The following VPS33B variants were observed in gnomAD, a reference collection of about 807,000 sequenced individuals.
VPS33B encodes the protein vacuolar protein sorting-associated protein 33B.
VPS33B carries 80 observed loss-of-function variants against 95.3 expected under a neutral mutation model. That is an observed-to-expected ratio of 0.84 (90% CI 0.70 to 1.01). VPS33B has a LOEUF of 1.01. VPS33B is among the 50% of genes least tolerant of loss of function. The probability of loss-of-function intolerance (pLI) is 0.00; values close to 1 mark genes in which losing one functional copy is unlikely to be tolerated. For missense variants in VPS33B, 715 were observed against 773.4 expected, an observed-to-expected ratio of 0.92 and a Z score of 0.90; for synonymous variants, 280 against 280.4, an observed-to-expected ratio of 1.00 and a Z score of 0.01.
rs1221790995 is a variant in VPS33B at position 91,015,659 on chromosome 15, A to C, written c.240-1226T>G. Reference sequence around the variant, plus strand: ...GGTGACAGAGTTAGACTCCTACTCAAAAAAATAAAATAAAATAAAACTATA... The same window carrying C: ...GGTGACAGAGTTAGACTCCTACTCACAAAAATAAAATAAAATAAAACTATA... On this transcript the variant is annotated intron_variant, in intron 3 of 22. Transcript: ENST00000333371. The surrounding 1 kb of genome is among the most constrained non-coding windows in gnomAD (Gnocchi z 4.7). Among the ~76,000 whole-genome samples, 1 of 151,918 alleles carries C rather than the reference A, an allele frequency of 6.6e-6. No homozygotes were observed. The highest frequency in any genetic ancestry group is 1.5e-5 in the Non-Finnish European group (1 of 67,970).
rs752622446 is a variant in VPS33B, at chr15:91,017,858, C to T, written c.124G>A (p.Glu42Lys). 1 of 1,614,106 alleles carries T rather than the reference C, an allele frequency of 6.2e-7. No individual in the cohort carries two copies. Among genetic ancestry groups the T allele is most frequent in the Non-Finnish European group, 8.5e-7 (1 of 1,180,008 alleles). ...TCCAAAGGGCTCATGAGATCTGCCT[C>T]AATGAATAAATCCTTTTTTCCAGGA... ...QLPGKKDLFI[E>K]ADLMSPLDRI... Residue 42 changes from glutamate to lysine, a missense_variant, in exon 2 of 23, where the codon GAG (glutamate) becomes AAG (lysine). By Grantham distance (56) the Glu-to-Lys change is moderately conservative. Coordinates refer to ENST00000333371, the MANE Select transcript of VPS33B (RefSeq NM_018668.5).
rs1420378518 is a variant in VPS33B at position 91,018,186 on chromosome 15, C to T, written c.97-301G>A. On this transcript the variant is annotated intron_variant, in intron 1 of 22. Transcript: ENST00000333371. The surrounding 1 kb of genome is among the most constrained non-coding windows in gnomAD (Gnocchi z 4.7). ...TGACCTTGGTCTGCACCTCACTCCC[C>T]TTCTCTGCTGCCTCCTCCACTCTGG... is the stretch of plus-strand genomic sequence containing the variant. The T allele has an allele frequency of 2.3e-6, 1 of 440,078 alleles. No individual in the cohort carries two copies. Among genetic ancestry groups the T allele is most frequent in the Non-Finnish European group, 4.2e-6 (1 of 235,496 alleles). 27.3% of individuals were successfully genotyped at this position (440,078 alleles called of 1,614,324 possible).
At position 91,007,857 on chromosome 15, in the gene VPS33B, C is replaced by A; in HGVS notation, c.498+13G>T. 1 of 1,612,184 alleles carries A rather than the reference C, an allele frequency of 6.2e-7. No individual in the cohort carries two copies. On this transcript the variant is annotated intron_variant, in intron 7 of 22. Transcript: ENST00000333371. This position sits in a 1 kb window ranked among gnomAD's most constrained non-coding sequence, Gnocchi z 5.3. ...ATCCCCTGATGCCAAGACACAAGGG[C>A]CTCTGCATTTACCAGAAAGTAATCC...
In VPS33B at chr15:91,007,947, A is replaced by G. The variant is rs2040662809; in HGVS notation, c.421T>C (p.Trp141Arg). The G allele has an allele frequency of 1.2e-6, 2 of 1,614,234 alleles. No homozygotes were observed. The highest frequency in any genetic ancestry group is 1.7e-6 in the Non-Finnish European group (2 of 1,180,040). The change falls in exon 7 of 23, where the codon TGG becomes CGG. Residue 141 changes from tryptophan to arginine, a missense_variant. Physicochemically the swap from Trp to Arg is moderately radical, Grantham distance 101. Transcript: ENST00000333371. This position sits in a 1 kb window ranked among gnomAD's most constrained non-coding sequence, Gnocchi z 5.3. ...GIYGDVSCDEWAFSLLPLDVD... is the reference protein window; with the variant it reads ...GIYGDVSCDERAFSLLPLDVD... ...TCAAGAGGCAGCAAAGAGAAGGCCC[A>G]TTCATCACAGCTCACATCTGTGGGG...
At chr15:91,003,640 A>G (rs8031686) in intron 16 of VPS33B, among the ~76,000 whole-genome samples, 3,628 of 151,948 alleles carry the variant, frequency 0.024, 155 homozygotes, top group African/African-American at 0.083. Context: ...GGGTTTCACT[A>G]TGTTGGTCAG....
Position 90,998,883 on chromosome 15 carries a change from T to G in VPS33B, c.*92A>C. The G allele has an allele frequency of 2.9e-6, 4 of 1,391,670 alleles. No individual in the cohort carries two copies. The highest frequency in any genetic ancestry group is 4.0e-6 in the Non-Finnish European group (4 of 990,576). 86.2% of individuals were successfully genotyped at this position (1,391,670 alleles called of 1,614,324 possible). A position where few individuals can be genotyped will look rare whatever the true frequency, so the allele number is the denominator to read the frequency against. On this transcript the variant is annotated 3_prime_UTR_variant, in exon 23 of 23. Coordinates refer to ENST00000333371, the MANE Select transcript of VPS33B (RefSeq NM_018668.5). This position sits in a 1 kb window ranked among gnomAD's most constrained non-coding sequence, Gnocchi z 4.8. ...CTCCCGGCTCTTAGCAGGTAGTTGG[T>G]GGACACTTGGTTATAGCAGCTGGGT...
rs8026678 is a variant in VPS33B at position 91,018,775 on chromosome 15, A to G, written c.97-890T>C. Among the ~76,000 whole-genome samples, 84,192 of 151,978 alleles carry G rather than the reference A, an allele frequency of 0.55. 26,360 individuals are homozygous for G. Among genetic ancestry groups the G allele is most frequent in the East Asian group, 0.99 (5,129 of 5,170 alleles). On this transcript the variant is annotated intron_variant, in intron 1 of 22. Transcript: ENST00000333371. This position sits in a 1 kb window ranked among gnomAD's most constrained non-coding sequence, Gnocchi z 4.7. ...AGCCCAAAAAGTCAACAGTATAGAG[A>G]GCAGGAAATCTTTTTTTTTAAATCT...
In VPS33B at chr15:91,013,096, G is replaced by C. The variant is rs2151678474; in HGVS notation, c.357+708C>G. 6.6e-6 allele frequency among the ~76,000 whole-genome samples: 1 copy of C among 152,232 alleles called. No homozygotes were observed. Among genetic ancestry groups the C allele is most frequent in the South Asian group, 2.1e-4 (1 of 4,824 alleles). On this transcript the variant is annotated intron_variant, in intron 5 of 22. Coordinates refer to ENST00000333371, the MANE Select transcript of VPS33B (RefSeq NM_018668.5). This position sits in a 1 kb window ranked among gnomAD's most constrained non-coding sequence, Gnocchi z 4.5. ...AAGGGATACAGGGAGAAAGTCACTG[G>C]AAAGCCGTAACATTGTGCACCATTA...
At position 91,007,198 on chromosome 15, in the gene VPS33B, G is replaced by T; in HGVS notation, c.604-152C>A. 1.2e-6 allele frequency: 1 copy of T among 856,166 alleles called. No homozygotes were observed. The allele number at this position is 856,166 out of a possible 1,614,324, so 53.0% of individuals were successfully genotyped here. On this transcript the variant is annotated intron_variant, in intron 8 of 22. Coordinates refer to ENST00000333371, the MANE Select transcript of VPS33B (RefSeq NM_018668.5). This position sits in a 1 kb window ranked among gnomAD's most constrained non-coding sequence, Gnocchi z 5.3. ...TATGGCCCTATCTACTCCCGTCTGT[G>T]TCTATCTTTCCCCAACACTCTTCCT...
chr15:91,022,481 G>A lies in VPS33B; in HGVS notation c.-232C>T. 2 of 464,336 alleles carry A rather than the reference G, an allele frequency of 4.3e-6. No homozygotes were observed. Among genetic ancestry groups the A allele is most frequent in the Admixed American group, 7.1e-5 (2 of 28,058 alleles). The allele number at this position is 464,336 out of a possible 1,614,324, so 28.8% of individuals were successfully genotyped here. ...CTCAGACCTGCAGCCACCGTGTCTC[G>A]ACCCTCCCTCCCTGATCCACTCTGC... On this transcript the variant is annotated 5_prime_UTR_variant, in exon 1 of 23. Coordinates refer to ENST00000333371, the MANE Select transcript of VPS33B (RefSeq NM_018668.5).
Position 91,009,694 on chromosome 15 carries a change from AAAG to A in VPS33B, c.403+104_403+106del. ...TACACTAACAGGAATAAGACCAGGAAAAGAAGGAGCTGGTGGTGGGGGTGGGGT... is the reference window on the plus strand; with the variant it reads ...TACACTAACAGGAATAAGACCAGGAAAAGGAGCTGGTGGTGGGGGTGGGGT... On this transcript the variant is annotated intron_variant, in intron 6 of 22. Coordinates refer to ENST00000333371, the MANE Select transcript of VPS33B (RefSeq NM_018668.5). This position sits in a 1 kb window ranked among gnomAD's most constrained non-coding sequence, Gnocchi z 4.1. 1 of 1,203,678 alleles carries A rather than the reference AAAG, an allele frequency of 8.3e-7. No individual in the cohort carries two copies. Among genetic ancestry groups the A allele is most frequent in the Admixed American group, 2.0e-5 (1 of 49,262 alleles). The allele number at this position is 1,203,678 out of a possible 1,614,324, so 74.6% of individuals were successfully genotyped here.
rs1403071074 is a variant in VPS33B at position 91,010,391 on chromosome 15, A to G, written c.358-545T>C. Among the ~76,000 whole-genome samples the G allele has an allele frequency of 3.9e-5, 6 of 152,204 alleles. No homozygotes were observed. The highest frequency in any genetic ancestry group is 7.3e-5 in the Non-Finnish European group (5 of 68,038). On this transcript the variant is annotated intron_variant, in intron 5 of 22. Coordinates refer to ENST00000333371, the MANE Select transcript of VPS33B (RefSeq NM_018668.5). This position sits in a 1 kb window ranked among gnomAD's most constrained non-coding sequence, Gnocchi z 5.7. ...CGAGGCAGGTGAATCGCTTGAGCCC[A>G]GAAGTTCTAGACCAGTCTGGGCAAC...
Position 91,000,056 on chromosome 15 carries a change from A to G in VPS33B, c.1582-81T>C. ...GGAAGGGCACAGCAGCCAGACTGTC[A>G]CATTTCTTGCTCATTACTCAAGTAG... On this transcript the variant is annotated intron_variant, in intron 20 of 22. Transcript: ENST00000333371. The surrounding 1 kb of genome is among the most constrained non-coding windows in gnomAD (Gnocchi z 4.9). 1 of 1,563,418 alleles carries G rather than the reference A, an allele frequency of 6.4e-7. No individual in the cohort carries two copies. The highest frequency in any genetic ancestry group is 8.8e-7 in the Non-Finnish European group (1 of 1,139,616).
At chr15:91,003,034 A>G in intron 17 of VPS33B, 51 bp downstream of exon 17, 7 of 1,604,706 alleles carry the variant, frequency 4.4e-6, no homozygotes, top group Non-Finnish European at 6.0e-6. Flanking sequence ...AAAAATGCCC[A>G]ATAACTGCCC....
chr15:91,016,444 G>A (rs1269219863), intron 3 of VPS33B, among the ~76,000 whole-genome samples: 5 of 145,068 alleles, frequency 3.4e-5, no homozygotes, highest in South Asian at 2.2e-4. Flanking sequence ...CTGCAGTGGC[G>A]CGATCTTGGC....
rs1219743084 is a variant in VPS33B, at chr15:90,998,794, T to C, written c.*181A>G. The C allele has an allele frequency of 2.8e-6, 2 of 719,696 alleles. No homozygotes were observed. The highest frequency in any genetic ancestry group is 1.6e-5 in the South Asian group (1 of 63,930). 44.6% of individuals were successfully genotyped at this position (719,696 alleles called of 1,614,324 possible). A position where few individuals can be genotyped will look rare whatever the true frequency, so the allele number is the denominator to read the frequency against. Reference sequence around the variant, plus strand: ...ACTTCATAAACAGAAAAGAGAAATATCCTGGGAGCAGGAAGTGAACTCTTT... The same window carrying C: ...ACTTCATAAACAGAAAAGAGAAATACCCTGGGAGCAGGAAGTGAACTCTTT... On this transcript the variant is annotated 3_prime_UTR_variant, in exon 23 of 23. Coordinates refer to ENST00000333371, the MANE Select transcript of VPS33B (RefSeq NM_018668.5). This position sits in a 1 kb window ranked among gnomAD's most constrained non-coding sequence, Gnocchi z 4.8.
At position 91,000,034 on chromosome 15, in the gene VPS33B, A is replaced by G. The variant is rs2040391324; in HGVS notation, c.1582-59T>C. 2 of 1,597,114 alleles carry G rather than the reference A, an allele frequency of 1.3e-6. No individual in the cohort carries two copies. The highest frequency in any genetic ancestry group is 1.3e-5 in the African/African-American group (1 of 74,468). ...AGACAGTATCAGGCTTAGGAAAGGAAGGGCACAGCAGCCAGACTGTCACAT... is the reference window on the plus strand; with the variant it reads ...AGACAGTATCAGGCTTAGGAAAGGAGGGGCACAGCAGCCAGACTGTCACAT... On this transcript the variant is annotated intron_variant, in intron 20 of 22. Transcript: ENST00000333371. This position sits in a 1 kb window ranked among gnomAD's most constrained non-coding sequence, Gnocchi z 4.9.
chr15:91,017,214 A>G, intron 2 of VPS33B, 190 bp from the exon 3 acceptor site: 2 of 615,768 alleles, frequency 3.2e-6, no homozygotes, highest in Non-Finnish European at 2.9e-6. Flanking sequence ...AGAAAAACCT[A>G]AAATAAAACA....
chr15:91,013,832 T>G lies in VPS33B; in HGVS notation c.329A>C (p.Lys110Thr). Residue 110 changes from lysine (K) to threonine (T), a missense_variant, in exon 5 of 23, where the codon AAA (lysine) becomes ACA (threonine). By Grantham distance (78) the Lys-to-Thr change is moderately conservative. Coordinates refer to ENST00000333371, the MANE Select transcript of VPS33B (RefSeq NM_018668.5). This position sits in a 1 kb window ranked among gnomAD's most constrained non-coding sequence, Gnocchi z 4.5. ...NADKLAGRTR[K>T]YKVIFSPQKF... is the part of the protein sequence containing the mutation. The stretch of plus-strand genomic sequence containing the variant: ...TTGAGGGCTGAAGATCACTTTGTAT[T>G]TGCGAGTTCGGCCAGCCAATTTGTC... The G allele has an allele frequency of 6.2e-7, 1 of 1,614,094 alleles. No individual in the cohort carries two copies. Among genetic ancestry groups the G allele is most frequent in the Middle Eastern group, 1.6e-4 (1 of 6,062 alleles).
Sources: allele counts gnomAD v4.1 joint callset (sites outside exome capture counted in the v4.1 genomes callset), GRCh38; gene constraint gnomAD v4.1.1; non-coding constraint Gnocchi (gnomAD v3.1); transcripts MANE v1.5; gene names NCBI Gene and HGNC (gene_info 2026-07-23, HGNC 2026-07-21).